ZP4: variants seen among roughly 807,000 people sequenced by gnomAD.
ZP4 encodes the protein zona pellucida glycoprotein 4.
A neutral mutation model predicts 62.3 loss-of-function variants in ZP4; 62 were observed. The observed-to-expected ratio is 0.99, with a 90% CI of 0.81 to 1.23. ZP4 has a LOEUF of 1.23. ZP4 is among the 50% of genes most tolerant of loss of function. The pLI, the probability that ZP4 is intolerant of heterozygous loss-of-function variation, is 0.00. For missense variants in ZP4, 774 were observed against 656.0 expected, an observed-to-expected ratio of 1.18 and a Z score of -1.97; for synonymous variants, 289 against 247.3, an observed-to-expected ratio of 1.17 and a Z score of -1.58.
intron 6 of ZP4, among the ~76,000 whole-genome samples, chr1:237,886,229 G>A (rs1170183034): frequency 6.6e-6 from 1 of 152,200 alleles, no homozygotes; most frequent in African/African-American, 2.4e-5. Flanking sequence ...AGCAAAGCCT[G>A]GAGGCAAGGA....
intron 3 of ZP4, 39 bp downstream of exon 3, chr1:237,889,828 C>T (rs775331751): frequency 6.8e-7 from 1 of 1,472,158 alleles, no homozygotes; most frequent in Non-Finnish European, 9.5e-7. Context: ...ACCCCACCCC[C>T]ACCACCCCCA....
At chr1:237,886,469 C>T (rs1665104809) in intron 6 of ZP4, among the ~76,000 whole-genome samples, 1 of 151,632 alleles carries the variant, frequency 6.6e-6, no homozygotes, top group Non-Finnish European at 1.5e-5. Flanking sequence ...ACAGCATGGA[C>T]AGTGGAGAAG....
chr1:237,885,092 G>C (rs1665064294), intron 9 of ZP4, 73 bp downstream of exon 9: 2 of 1,566,308 alleles, frequency 1.3e-6, no homozygotes, highest in Admixed American at 1.8e-5. Flanking sequence ...CTGCAGAGTA[G>C]TAGGACATGG....
At chr1:237,883,211 T>A (rs909999790) in intron 10 of ZP4, among the ~76,000 whole-genome samples, 1 of 152,210 alleles carries the variant, frequency 6.6e-6, no homozygotes, top group African/African-American at 2.4e-5. Flanking sequence ...TGAGTTTAGA[T>A]CTGGTTTTCA....
intron 3 of ZP4, among the ~76,000 whole-genome samples, chr1:237,889,438 C>A (rs1011591208): frequency 6.6e-6 from 1 of 151,928 alleles, no homozygotes; most frequent in Non-Finnish European, 1.5e-5. Context: ...CCTGCCTCAG[C>A]CTCCCGAGTA....
chr1:237,888,641 T>C, intron 3 of ZP4, 131 bp from the exon 4 acceptor site: 1 of 799,874 alleles, frequency 1.3e-6, no homozygotes, highest in Non-Finnish European at 1.8e-6. Context: ...TACTCCATAT[T>C]GTAGATAGTA....
intron 10 of ZP4, among the ~76,000 whole-genome samples, chr1:237,884,011 CA>C (rs1665024872): frequency 2.4e-5 from 2 of 83,550 alleles, no homozygotes; most frequent in Non-Finnish European, 4.8e-5. Flanking sequence ...CACACACACA[CA>C]CACAAACACA....
chr1:237,882,513 C>T lies in ZP4; in HGVS notation c.1532G>A (p.Gly511Asp). ...TCCAAGGATTAAGGTCCCAGAAAGGCCTGCCACCCACAGAACTTTCGAGTC... is the reference window on the plus strand; with the variant it reads ...TCCAAGGATTAAGGTCCCAGAAAGGTCTGCCACCCACAGAACTTTCGAGTC... Reference protein sequence around the residue: ...PVDSKVLWVAGLSGTLILGAL... With the variant: ...PVDSKVLWVADLSGTLILGAL... The change falls in exon 12 of 12, where the codon GGC (glycine) becomes GAC (aspartate). Residue 511 changes from glycine (G) to aspartate (D), a missense_variant. By Grantham distance (94) the Gly-to-Asp change is moderately conservative. Transcript: ENST00000366570. 6.2e-7 allele frequency: 1 copy of T among 1,606,798 alleles called. No homozygotes were observed. The highest frequency in any genetic ancestry group is 8.5e-7 in the Non-Finnish European group (1 of 1,178,034).
chr1:237,884,902 A>C, intron 9 of ZP4, 55 bp from the exon 10 acceptor site: 1 of 1,567,760 alleles, frequency 6.4e-7, no homozygotes, highest in Non-Finnish European at 8.7e-7. Context: ...ATGTATCTCT[A>C]AACCTGCTTT....
In ZP4 at chr1:237,882,413, A is replaced by T. The variant is rs1481563965; in HGVS notation, c.*9T>A. ...GAAGCTCAGCACAGGCTGGGAATACACTCTGGTTTTATTGACACATTTGGT... is the reference window on the plus strand; with the variant it reads ...GAAGCTCAGCACAGGCTGGGAATACTCTCTGGTTTTATTGACACATTTGGT... On this transcript the variant is annotated 3_prime_UTR_variant, in exon 12 of 12. Transcript: ENST00000366570. 3 of 1,609,868 alleles carry T rather than the reference A, an allele frequency of 1.9e-6. No homozygotes were observed. Among genetic ancestry groups the T allele is most frequent in the Non-Finnish European group, 2.5e-6 (3 of 1,179,164 alleles).
At chr1:237,883,923 G>T (rs542565384) in intron 10 of ZP4, among the ~76,000 whole-genome samples, 15 of 150,462 alleles carry the variant, frequency 1.0e-4, no homozygotes, top group Non-Finnish European at 1.6e-4. Flanking sequence ...TCATGCCATT[G>T]TACTCCAACC....
rs1665089842 is a variant in ZP4 at position 237,885,847 on chromosome 1, A to G, written c.879T>C (p.Ser293=). The G allele has an allele frequency of 6.2e-7, 1 of 1,613,990 alleles. No homozygotes were observed. The highest frequency in any genetic ancestry group is 8.5e-7 in the Non-Finnish European group (1 of 1,180,028). The stretch of plus-strand genomic sequence containing the variant: ...TGAAAACCTGGACATTGATTGGGAG[A>G]GAGTTGCTACTTACTGAGTAGCTGC... The part of the protein sequence containing the change: ...VSCSYSVSSN[S]LPINVQVFTL... Residue 293 remains serine, a synonymous_variant, in exon 7 of 12, where the codon TCT becomes TCC. Coordinates refer to ENST00000366570, the MANE Select transcript of ZP4 (RefSeq NM_021186.5).
At chr1:237,883,997 C>CACAA (rs1558530851) in intron 10 of ZP4, among the ~76,000 whole-genome samples, 23 of 98,930 alleles carry the variant, frequency 2.3e-4, no homozygotes, top group Non-Finnish European at 3.6e-4. Flanking sequence ...CACACACACA[C>CACAA]ACACACACAC....
chr1:237,884,021 C>CACACACAA (rs1665028264), intron 10 of ZP4, among the ~76,000 whole-genome samples: 8 of 58,946 alleles, frequency 1.4e-4, no homozygotes, highest in African/African-American at 5.6e-4. Flanking sequence ...CACACAAACA[C>CACACACAA]ACACACACAC....
chr1:237,890,001 G>C, intron 2 of ZP4, 32 bp from the exon 3 acceptor site: 1 of 1,614,154 alleles, frequency 6.2e-7, no homozygotes, highest in Non-Finnish European at 8.5e-7. Context: ...GGTCAGCCTG[G>C]ATGGTAGCAT....
At position 237,885,257 on chromosome 1, in the gene ZP4, C is replaced by T. The variant is rs770373801; in HGVS notation, c.1219G>A (p.Asp407Asn). The T allele has an allele frequency of 3.7e-5, 59 of 1,614,034 alleles. No individual in the cohort carries two copies. Among genetic ancestry groups the T allele is most frequent in the South Asian group, 3.0e-4 (27 of 91,090 alleles). The change falls in exon 9 of 12, where the codon GAT (aspartate) becomes AAT (asparagine). Residue 407 changes from aspartate (D) to asparagine (N), a missense_variant. By Grantham distance (23) the Asp-to-Asn change is conservative. Transcript: ENST00000366570. ...TQLIPVQKALDLPFPSHHQRF... is the reference protein window; with the variant it reads ...TQLIPVQKALNLPFPSHHQRF... ...TGGTGGTGAGAGGGAAATGGAAGAT[C>T]CAAGGCTTTCTGGACAGGGATCAGC...
Position 237,882,773 on chromosome 1 carries a change from G to A in ZP4, c.1464C>T (p.Leu488=). 6.2e-7 allele frequency: 1 copy of A among 1,614,144 alleles called. No homozygotes were observed. The highest frequency in any genetic ancestry group is 8.5e-7 in the Non-Finnish European group (1 of 1,180,024). ...TTTCTGGAGGGTCCTTAGTGGCTTG[G>A]AGTAGAATCATGGGGCCTTTGCTAG... ...SVSSKGPMIL[L]QATKDPPEKL... Residue 488 remains leucine (L), a synonymous_variant, in exon 11 of 12, where the codon CTC becomes CTT. Transcript: ENST00000366570.
chr1:237,889,622 A>G (rs2790365), intron 3 of ZP4, among the ~76,000 whole-genome samples: 72,553 of 151,970 alleles, frequency 0.48, 20,416 homozygotes, highest in African/African-American at 0.78. Context: ...CAGCAGTAGT[A>G]TTTGCAGCAC....
chr1:237,890,827 C>T lies in ZP4; in HGVS notation c.-192G>A, dbSNP rs1571937005. On this transcript the variant is annotated 5_prime_UTR_variant, in exon 1 of 12. Coordinates refer to ENST00000366570, the MANE Select transcript of ZP4 (RefSeq NM_021186.5). ...CTCATTTGCTTTGGGGCACAGTCTG[C>T]AGCTGCCTCACATTAAATACCACAA... is the stretch of plus-strand genomic sequence containing the variant. The T allele has an allele frequency of 5.6e-6, 3 of 538,382 alleles. 1 individual carries two copies. The highest frequency in any genetic ancestry group is 6.1e-5 in the South Asian group (2 of 32,618). 33.4% of individuals were successfully genotyped at this position (538,382 alleles called of 1,614,324 possible). A position where few individuals can be genotyped will look rare whatever the true frequency, so the allele number is the denominator to read the frequency against.
Sources: gnomAD v4.1 joint callset for allele counts (sites outside exome capture counted in the v4.1 genomes callset) on GRCh38, gnomAD v4.1.1 for gene constraint, MANE v1.5 for transcripts, NCBI Gene and HGNC (gene_info 2026-07-23, HGNC 2026-07-21) for gene names.